Variants in PTPRT observed in about 807,000 individuals in gnomAD.
PTPRT encodes protein tyrosine phosphatase receptor type T, also known as receptor-type tyrosine-protein phosphatase T.
PTPRT carries 56 observed loss-of-function variants against 176.8 expected under a neutral mutation model. That is an observed-to-expected ratio of 0.32 (90% CI 0.26 to 0.40). The LOEUF (loss-of-function observed/expected upper bound fraction) is 0.40. Ranked by LOEUF, PTPRT falls within the 10% of genes least tolerant of loss-of-function variation. The pLI, the probability that PTPRT is intolerant of heterozygous loss-of-function variation, is 1.00. For synonymous variants in PTPRT, 783 were observed against 739.0 expected, an observed-to-expected ratio of 1.06 and a Z score of -0.96; for missense variants, 1,540 against 1,908.2, an observed-to-expected ratio of 0.81 and a Z score of 3.60.
intron 7 of PTPRT, among the ~76,000 whole-genome samples, chr20:42,670,167 G>A (rs1453431520): frequency 6.6e-6 from 1 of 152,066 alleles, no homozygotes; most frequent in Non-Finnish European, 1.5e-5. Context: ...CTACAGTGAA[G>A]GAAATCAGGT....
chr20:42,336,578 A>G (rs2058042728), intron 11 of PTPRT, among the ~76,000 whole-genome samples: 1 of 152,214 alleles, frequency 6.6e-6, no homozygotes. Context: ...ATATTAGAGA[A>G]GGCACTCAGT....
intron 13 of PTPRT, among the ~76,000 whole-genome samples, chr20:42,269,510 G>A (rs1431354917): frequency 2.6e-5 from 4 of 152,206 alleles, no homozygotes; most frequent in East Asian, 1.9e-4. Context: ...AGGTCTCTAG[G>A]TCAGCAGATT....
intron 9 of PTPRT, among the ~76,000 whole-genome samples, chr20:42,437,910 A>C (rs745538517): frequency 1.3e-5 from 2 of 152,226 alleles, no homozygotes; most frequent in Non-Finnish European, 2.9e-5. Context: ...TTCATGCTGC[A>C]TTGCCCAGCC....
chr20:42,083,510 G>T (rs1983567267), intron 29 of PTPRT, among the ~76,000 whole-genome samples: 1 of 152,194 alleles, frequency 6.6e-6, no homozygotes, highest in African/African-American at 2.4e-5. Flanking sequence ...AATTTTTGCT[G>T]CAGGTGGTGG....
At chr20:42,439,839 CATTCAGGTAACTAGACGCCT>C (rs1277084998) in intron 9 of PTPRT, among the ~76,000 whole-genome samples, 1 of 152,198 alleles carries the variant, frequency 6.6e-6, no homozygotes, top group Non-Finnish European at 1.5e-5. Context: ...TCCCTGCATT[CATTCAGGTAACTAGACGCCT>C]ATTTATTTAT....
intron 27 of PTPRT, among the ~76,000 whole-genome samples, chr20:42,096,860 G>C (rs6130033): frequency 7.1e-4 from 107 of 150,610 alleles, no homozygotes; most frequent in African/African-American, 2.5e-3. Flanking sequence ...ACAGGCATGA[G>C]CCACCATGCC....
intron 12 of PTPRT, among the ~76,000 whole-genome samples, chr20:42,305,495 A>G (rs1487483510): frequency 6.6e-6 from 1 of 151,226 alleles, no homozygotes; most frequent in East Asian, 1.9e-4. Context: ...CTGTATATAA[A>G]TTTCATAAAA....
At chr20:42,410,964 A>G (rs1428531405) in intron 9 of PTPRT, among the ~76,000 whole-genome samples, 1 of 152,208 alleles carries the variant, frequency 6.6e-6, no homozygotes, top group Non-Finnish European at 1.5e-5. Context: ...TAAAATACTT[A>G]TATTAGAAAA....
intron 7 of PTPRT, among the ~76,000 whole-genome samples, chr20:42,553,124 T>C (rs1347774165): frequency 6.6e-6 from 1 of 152,162 alleles, no homozygotes; most frequent in African/African-American, 2.4e-5. Context: ...CAATGACGCA[T>C]GTACAACAAT....
intron 1 of PTPRT, among the ~76,000 whole-genome samples, chr20:43,050,222 G>T (rs1000960078): frequency 6.6e-6 from 1 of 152,238 alleles, no homozygotes; most frequent in Non-Finnish European, 1.5e-5. Context: ...GGAAAACAGG[G>T]AGAGACAAGA....
intron 1 of PTPRT, among the ~76,000 whole-genome samples, chr20:42,961,437 G>A (rs563825104): frequency 1.3e-5 from 2 of 152,320 alleles, no homozygotes; most frequent in African/African-American, 2.4e-5. Context: ...AAGGAAAATA[G>A]GAAGTAAGTC....
intron 9 of PTPRT, among the ~76,000 whole-genome samples, chr20:42,408,801 A>C (rs777399637): frequency 4.6e-5 from 7 of 152,230 alleles, no homozygotes; most frequent in Non-Finnish European, 8.8e-5. Context: ...AACAACAGAA[A>C]TTTATTTTCT....
In PTPRT at chr20:42,112,419, G is replaced by T. The variant is rs566770977; in HGVS notation, c.3100-1932C>A. 2.0e-5 allele frequency among the ~76,000 whole-genome samples: 3 copies of T among 152,354 alleles called. No homozygotes were observed. In the South Asian group the frequency reaches 6.2e-4, roughly 32 times the overall value. ...CAGTGACTGACTGATAGTAGAGGGA[G>T]AGTGACCAACTGGCTTGCCACTTGC... On this transcript the variant is annotated intron_variant, in intron 22 of 30. Transcript: ENST00000373187.
chr20:42,408,079 A>C (rs2058978405), intron 9 of PTPRT, among the ~76,000 whole-genome samples: 1 of 152,164 alleles, frequency 6.6e-6, no homozygotes, highest in Non-Finnish European at 1.5e-5. Context: ...GTCTTCCCAA[A>C]ACCAATACGT....
chr20:42,848,159 A>AT (rs1328354928), intron 2 of PTPRT, among the ~76,000 whole-genome samples: 6 of 152,150 alleles, frequency 3.9e-5, no homozygotes, highest in African/African-American at 1.2e-4. Flanking sequence ...AAATGCCATT[A>AT]TTTTGTTCCT....
At chr20:42,623,329 T>G (rs959503287) in intron 7 of PTPRT, among the ~76,000 whole-genome samples, 1 of 152,150 alleles carries the variant, frequency 6.6e-6, no homozygotes, top group Non-Finnish European at 1.5e-5. Context: ...GAGGCCAAAG[T>G]CCTTGCCCTG....
At chr20:43,091,450 CTCTCTCTCTCCCCCCTCTCTT>C (rs2011850230) in intron 1 of PTPRT, among the ~76,000 whole-genome samples, 1 of 150,526 alleles carries the variant, frequency 6.6e-6, no homozygotes, top group African/African-American at 2.5e-5. Context: ...GTATTTCTCT[CTCTCTCTCTCCCCCCTCTCTT>C]TCTCTCTCTC....
At chr20:42,508,387 C>T (rs572902522) in intron 7 of PTPRT, among the ~76,000 whole-genome samples, 2 of 152,128 alleles carry the variant, frequency 1.3e-5, no homozygotes, top group East Asian at 3.9e-4. Flanking sequence ...GGGTCTGAAT[C>T]CCAGCTGTAT....
chr20:42,792,794 G>C (rs533930845), intron 2 of PTPRT, among the ~76,000 whole-genome samples: 2 of 152,252 alleles, frequency 1.3e-5, no homozygotes, highest in African/African-American at 2.4e-5. Flanking sequence ...AATAAGTGCT[G>C]GGAAACCCAT....
Sources: gnomAD v4.1 joint callset for allele counts (sites outside exome capture counted in the v4.1 genomes callset) on GRCh38, gnomAD v4.1.1 for gene constraint, MANE v1.5 for transcripts, NCBI Gene and HGNC (gene_info 2026-07-23, HGNC 2026-07-21) for gene names.